RBFOX1: variants seen among roughly 807,000 people sequenced by gnomAD.
RBFOX1 encodes RNA binding fox-1 homolog 1.
RBFOX1 carries 8 observed loss-of-function variants against 57.7 expected under a neutral mutation model. The ratio of observed to expected loss-of-function variants is 0.14; its 90% confidence interval spans 0.08 to 0.25. The LOEUF (loss-of-function observed/expected upper bound fraction) is 0.25. Ranked by LOEUF, RBFOX1 falls within the 10% of genes least tolerant of loss-of-function variation. The pLI is 1.00. For synonymous variants in RBFOX1, 326 were observed against 222.4 expected, an observed-to-expected ratio of 1.47 and a Z score of -4.15; for missense variants, 611 against 548.5, an observed-to-expected ratio of 1.11 and a Z score of -1.14.
intron 3 of RBFOX1, among the ~76,000 whole-genome samples, chr16:6,930,625 G>A (rs961544351): frequency 6.6e-6 from 1 of 152,100 alleles, no homozygotes; most frequent in African/African-American, 2.4e-5. Flanking sequence ...GGCCAGGCTG[G>A]TCTTGAGCTC....
chr16:5,977,404 T>A (rs1445378115), intron 4 of RBFOX1, among the ~76,000 whole-genome samples: 2 of 152,156 alleles, frequency 1.3e-5, no homozygotes, highest in African/African-American at 4.8e-5. Context: ...TATGTGTCCC[T>A]ACGATCCCTG....
chr16:7,631,688 A>G (rs898990292), intron 11 of RBFOX1, among the ~76,000 whole-genome samples: 4 of 152,058 alleles, frequency 2.6e-5, no homozygotes, highest in Non-Finnish European at 4.4e-5. Flanking sequence ...GATGGGGAGG[A>G]GAGCAGGAGT....
At chr16:5,839,578 A>G (rs932443189) in intron 3 of RBFOX1, among the ~76,000 whole-genome samples, 10 of 152,174 alleles carry the variant, frequency 6.6e-5, no homozygotes, top group Non-Finnish European at 1.5e-4. Context: ...AGGCTTCTTA[A>G]TCAAGCAGTA....
chr16:5,736,458 G>A (rs1034052431), intron 3 of RBFOX1, among the ~76,000 whole-genome samples: 1 of 151,960 alleles, frequency 6.6e-6, no homozygotes, highest in Non-Finnish European at 1.5e-5. Context: ...GCTTGTCCCA[G>A]CTTCTGCTGC....
intron 2 of RBFOX1, among the ~76,000 whole-genome samples, chr16:6,500,708 A>G (rs2095884434): frequency 6.6e-6 from 1 of 152,134 alleles, no homozygotes; most frequent in Non-Finnish European, 1.5e-5. Flanking sequence ...AAACTTGGAC[A>G]CTGACATCAA....
At chr16:6,073,987 C>T (rs1373834408) in intron 1 of RBFOX1, among the ~76,000 whole-genome samples, 2 of 152,000 alleles carry the variant, frequency 1.3e-5, no homozygotes, top group African/African-American at 2.4e-5. Context: ...CTCACTCTGT[C>T]GCCCAGAGTG....
At chr16:7,017,314 A>G (rs950447456) in intron 3 of RBFOX1, among the ~76,000 whole-genome samples, 27 of 152,194 alleles carry the variant, frequency 1.8e-4, no homozygotes, top group African/African-American at 6.5e-4. Context: ...ATAGTGTACT[A>G]TAGATCCAGC....
At chr16:6,276,413 C>A (rs984335302) in intron 1 of RBFOX1, among the ~76,000 whole-genome samples, 1 of 152,140 alleles carries the variant, frequency 6.6e-6, no homozygotes, top group Non-Finnish European at 1.5e-5. Flanking sequence ...TGGCTCACTA[C>A]CACCTCTGCC....
At chr16:7,456,824 G>A (rs78064940) in intron 4 of RBFOX1, among the ~76,000 whole-genome samples, 1 of 152,102 alleles carries the variant, frequency 6.6e-6, no homozygotes, top group African/African-American at 2.4e-5. Flanking sequence ...CTGAGCCCTG[G>A]AGCAGGGCTG....
intron 2 of RBFOX1, among the ~76,000 whole-genome samples, chr16:6,423,614 TA>T (rs927843727): frequency 2.0e-5 from 3 of 150,644 alleles, no homozygotes; most frequent in Admixed American, 6.6e-5. Context: ...AAATAAAAAA[TA>T]AAAAAAAGGA....
chr16:7,038,005 C>A (rs888495475), intron 3 of RBFOX1, among the ~76,000 whole-genome samples: 3 of 152,194 alleles, frequency 2.0e-5, no homozygotes, highest in Non-Finnish European at 2.9e-5. Flanking sequence ...GTTAAAACAT[C>A]TTAACTTGAA....
chr16:5,970,856 C>G (rs1046396786), intron 4 of RBFOX1, among the ~76,000 whole-genome samples: 2 of 152,188 alleles, frequency 1.3e-5, no homozygotes, highest in Non-Finnish European at 2.9e-5. Flanking sequence ...TTTTCATTCT[C>G]TCTTAGGATT....
chr16:7,202,986 C>G (rs374055669), intron 4 of RBFOX1, among the ~76,000 whole-genome samples: 184 of 152,216 alleles, frequency 1.2e-3, no homozygotes, highest in African/African-American at 4.0e-3. Context: ...TGGGATTTCA[C>G]CGTGTGAGCC....
In RBFOX1 at chr16:5,993,384, T is replaced by TGAGA. The variant is rs1200838900; in HGVS notation, c.351+126060_351+126063dup. ...GTGTGTGTGTGTGTGTGTGTGTGTG[T>TGAGA]GAGAGAGAGAGAGACAGAGAGAGAG... On this transcript the variant is annotated intron_variant, in intron 4 of 19. Transcript: ENST00000641259. Among the ~76,000 whole-genome samples the TGAGA allele has an allele frequency of 1.9e-3, 133 of 71,272 alleles. 1 individual carries two copies. Among genetic ancestry groups the TGAGA allele is most frequent in the Non-Finnish European group, 8.6e-4 (29 of 33,862 alleles). 46.8% of individuals were successfully genotyped at this position (71,272 alleles called of 152,430 possible).
chr16:6,737,397 C>T (rs1359879241), intron 3 of RBFOX1, among the ~76,000 whole-genome samples: 1 of 152,090 alleles, frequency 6.6e-6, no homozygotes, highest in African/African-American at 2.4e-5. Context: ...AAATATTGGG[C>T]CTTCATGTAA....
intron 1 of RBFOX1, among the ~76,000 whole-genome samples, chr16:6,270,897 A>C (rs2075133870): frequency 6.6e-6 from 1 of 152,226 alleles, no homozygotes; most frequent in Non-Finnish European, 1.5e-5. Context: ...AGATAACAGG[A>C]GAATCTGCAA....
intron 2 of RBFOX1, among the ~76,000 whole-genome samples, chr16:5,525,390 G>C (rs1479986772): frequency 6.6e-6 from 1 of 152,032 alleles, no homozygotes; most frequent in Non-Finnish European, 1.5e-5. Context: ...CTTTATAGTG[G>C]GGGAAACAGA....
chr16:6,748,804 T>A (rs1469772459), intron 3 of RBFOX1: 2 of 152,148 alleles, frequency 1.3e-5, no homozygotes, highest in African/African-American at 4.8e-5. Context: ...TCTTTACCTT[T>A]CATTCTATAA....
chr16:5,777,448 C>G (rs76014014), intron 3 of RBFOX1, among the ~76,000 whole-genome samples: 5,554 of 152,240 alleles, frequency 0.036, 312 homozygotes, highest in African/African-American at 0.12. Context: ...TCAGATGAGA[C>G]TCTAGGCAGT....
Sources: allele counts gnomAD v4.1 joint callset (sites outside exome capture counted in the v4.1 genomes callset), GRCh38; gene constraint gnomAD v4.1.1; transcripts MANE v1.5; gene names NCBI Gene and HGNC (gene_info 2026-07-23, HGNC 2026-07-21).